MED12L: variants seen among roughly 807,000 people sequenced by gnomAD.
MED12L encodes the protein mediator of RNA polymerase II transcription subunit 12-like protein.
A neutral mutation model predicts 281.3 loss-of-function variants in MED12L; 60 were observed. The ratio of observed to expected loss-of-function variants is 0.21; its 90% confidence interval spans 0.17 to 0.26. The LOEUF is 0.26. Ranked by LOEUF, MED12L falls within the 10% of genes least tolerant of loss-of-function variation. MED12L has a pLI of 1.00. For missense variants in MED12L, 2,146 were observed against 2,680.9 expected, an observed-to-expected ratio of 0.80 and a Z score of 4.41; for synonymous variants, 974 against 987.2, an observed-to-expected ratio of 0.99 and a Z score of 0.25.
At chr3:151,236,864 G>A (rs1175491861) in intron 16 of MED12L, among the ~76,000 whole-genome samples, 4 of 151,990 alleles carry the variant, frequency 2.6e-5, no homozygotes, top group Non-Finnish European at 5.9e-5. Flanking sequence ...CCATATCATA[G>A]TTAATTCAGT....
intron 5 of MED12L, among the ~76,000 whole-genome samples, chr3:151,135,214 A>G (rs1715971876): frequency 6.6e-6 from 1 of 152,106 alleles, no homozygotes; most frequent in South Asian, 2.1e-4. Flanking sequence ...ACGAGGTTTC[A>G]CCATGTTGGC....
intron 16 of MED12L, among the ~76,000 whole-genome samples, chr3:151,311,882 G>A (rs924898793): frequency 1.3e-5 from 2 of 152,070 alleles, no homozygotes; most frequent in Admixed American, 6.6e-5. Context: ...AAAATTAGCC[G>A]GGTGTGGTGG....
intron 5 of MED12L, among the ~76,000 whole-genome samples, chr3:151,143,410 G>GA (rs1411140918): frequency 1.3e-5 from 2 of 152,120 alleles, no homozygotes; most frequent in Admixed American, 1.3e-4. Flanking sequence ...AATGCAAAGT[G>GA]AAAAAAGAAA....
chr3:151,329,289 A>G (rs1347772619), intron 16 of MED12L, among the ~76,000 whole-genome samples: 1 of 152,236 alleles, frequency 6.6e-6, no homozygotes, highest in Non-Finnish European at 1.5e-5. Flanking sequence ...ACTGTTAGCC[A>G]TAAAACAAAA....
Position 151,434,911 on chromosome 3 carries a change from G to A in MED12L, c.*2107G>A, listed in dbSNP as rs541226010. The A allele has an allele frequency of 5.3e-5, 8 of 152,106 alleles. No homozygotes were observed. In the South Asian group the frequency reaches 1.5e-3, roughly 28 times the overall value. 9.4% of individuals were successfully genotyped at this position (152,106 alleles called of 1,614,324 possible). On this transcript the variant is annotated 3_prime_UTR_variant, in exon 45 of 45. Transcript: ENST00000687756. ...GGGCATATCTTTTTTCTTTTTTTAG[G>A]TGAGGAAGTTATGCTACGACTCTAA...
intron 16 of MED12L, among the ~76,000 whole-genome samples, chr3:151,206,865 C>T (rs1412187485): frequency 6.6e-6 from 1 of 151,724 alleles, no homozygotes; most frequent in East Asian, 1.9e-4. Flanking sequence ...AGGATGGTTT[C>T]GATCTCCTGA....
intron 16 of MED12L, among the ~76,000 whole-genome samples, chr3:151,255,947 G>A (rs1346457939): frequency 6.6e-6 from 1 of 152,116 alleles, no homozygotes; most frequent in Non-Finnish European, 1.5e-5. Flanking sequence ...AATCACGTAA[G>A]GTGTATTTTC....
intron 16 of MED12L, among the ~76,000 whole-genome samples, chr3:151,223,426 G>A (rs768508236): frequency 3.3e-5 from 5 of 152,096 alleles, no homozygotes; most frequent in Non-Finnish European, 7.4e-5. Flanking sequence ...AATAGCAAAG[G>A]CATAGAATCA....
chr3:151,191,023 T>C (rs1723906954), intron 14 of MED12L, 92 bp downstream of exon 14: 5 of 1,114,310 alleles, frequency 4.5e-6, no homozygotes, highest in Non-Finnish European at 6.5e-6. Flanking sequence ...AGAAGAGTGA[T>C]GGCTTTTTGT....
chr3:151,145,587 C>T (rs976250190), intron 5 of MED12L, among the ~76,000 whole-genome samples: 3 of 152,092 alleles, frequency 2.0e-5, no homozygotes, highest in East Asian at 3.8e-4. Flanking sequence ...ATGCTGGTTG[C>T]GATATTGTAC....
intron 14 of MED12L, among the ~76,000 whole-genome samples, chr3:151,192,076 A>G (rs953331868): frequency 1.6e-4 from 25 of 152,364 alleles, no homozygotes; most frequent in African/African-American, 5.5e-4. Context: ...GGTTAAAAAT[A>G]TTTAAACATT....
intron 44 of MED12L, 46 bp from the exon 45 acceptor site, chr3:151,432,706 A>G (rs371106582): frequency 6.2e-6 from 9 of 1,452,118 alleles, no homozygotes; most frequent in African/African-American, 5.6e-5. Flanking sequence ...CATCTGTGCA[A>G]TAGTTTTGTG....
chr3:151,192,501 A>G (rs1356809859), intron 14 of MED12L, 49 bp from the exon 15 acceptor site: 4 of 1,310,592 alleles, frequency 3.1e-6, no homozygotes, highest in South Asian at 2.5e-5. Context: ...CAGTTTCTTG[A>G]TGAACTCCAA....
intron 16 of MED12L, chr3:151,294,410 T>C: frequency 6.2e-7 from 1 of 1,614,178 alleles, no homozygotes; most frequent in Non-Finnish European, 8.5e-7. Flanking sequence ...CCTGTCTAAG[T>C]GACTAAAAGT....
intron 5 of MED12L, among the ~76,000 whole-genome samples, chr3:151,129,431 G>A (rs1183542238): frequency 6.6e-6 from 1 of 151,830 alleles, no homozygotes. Context: ...AACAGTGATG[G>A]CCTCTTAGTG....
intron 43 of MED12L, 109 bp from the exon 44 acceptor site, chr3:151,430,190 T>G (rs574951692): frequency 4.0e-6 from 6 of 1,484,754 alleles, no homozygotes; most frequent in Non-Finnish European, 5.5e-6. Context: ...CCTTTTTTCG[T>G]GAAGTGTTGA....
intron 38 of MED12L, among the ~76,000 whole-genome samples, chr3:151,392,469 A>G (rs1345535816): frequency 1.6e-5 from 1 of 64,220 alleles, no homozygotes; most frequent in Non-Finnish European, 3.9e-5. Context: ...CATCTCAAGA[A>G]AAAAAAAAAA....
chr3:151,352,927 A>C (rs2150033761), intron 17 of MED12L, among the ~76,000 whole-genome samples: 1 of 152,338 alleles, frequency 6.6e-6, no homozygotes, highest in East Asian at 1.9e-4. Flanking sequence ...TAACATAAGA[A>C]AGATGAGGAA....
chr3:151,391,185 A>C (rs1221900820), intron 38 of MED12L, among the ~76,000 whole-genome samples: 1 of 152,218 alleles, frequency 6.6e-6, no homozygotes, highest in Non-Finnish European at 1.5e-5. Context: ...TTTATGTTAC[A>C]CACACATACA....
Sources: allele counts gnomAD v4.1 joint callset (sites outside exome capture counted in the v4.1 genomes callset), GRCh38; gene constraint gnomAD v4.1.1; transcripts MANE v1.5; gene names NCBI Gene and HGNC (gene_info 2026-07-23, HGNC 2026-07-21).